Variants in SNTB1 observed in about 807,000 individuals in gnomAD.
The protein encoded by SNTB1 is syntrophin beta 1.
Under a neutral mutation model 48.9 loss-of-function variants are expected in SNTB1, and 36 were observed. That is an observed-to-expected ratio of 0.74 (90% confidence interval 0.56 to 0.97). The LOEUF is 0.97. SNTB1 is among the 50% of genes least tolerant of loss of function. The pLI, the probability that SNTB1 is intolerant of heterozygous loss-of-function variation, is 0.00. For missense variants in SNTB1, 786 were observed against 703.4 expected (o/e 1.12, Z -1.33); for synonymous variants, 299 against 294.6 (o/e 1.01, Z -0.15).
chr8:120,734,026 G>A (rs915476074), intron 1 of SNTB1, among the ~76,000 whole-genome samples: 4 of 152,150 alleles, frequency 2.6e-5, no homozygotes, highest in Non-Finnish European at 4.4e-5. Flanking sequence ...CAAATGTAAA[G>A]AACTTAACGC....
At chr8:120,541,056 G>A (rs190487610) in intron 6 of SNTB1, 1 of 152,284 alleles carries the variant, frequency 6.6e-6, no homozygotes, top group East Asian at 1.9e-4. Flanking sequence ...GAGATGCTAT[G>A]TTTTCCTGAA....
intron 2 of SNTB1, among the ~76,000 whole-genome samples, chr8:120,636,463 A>G (rs1817080021): frequency 7.8e-6 from 1 of 127,952 alleles, no homozygotes; most frequent in Non-Finnish European, 1.6e-5. Flanking sequence ...TCATTGTTCA[A>G]TTCCCACCTA....
rs111275611 is a variant in SNTB1, at chr8:120,767,791, C to T, written c.571+43482G>A. On this transcript the variant is annotated intron_variant, in intron 1 of 6. Transcript: ENST00000517992. ...TTCGATAGTAGTCTTTTATTATGCT[C>T]GGTTGTTTCTTCAGCACAGTGGCAT... 8.3e-4 allele frequency among the ~76,000 whole-genome samples: 126 copies of T among 152,254 alleles called. No individual in the cohort carries two copies. The East Asian group carries it at 0.019, about 23-fold the overall frequency.
At chr8:120,635,863 T>C in intron 2 of SNTB1, 1 of 357,028 alleles carries the variant, frequency 2.8e-6, no homozygotes, top group Non-Finnish European at 5.5e-6. Context: ...AAAATAGTTG[T>C]AGTCAAGCTG....
intron 4 of SNTB1, among the ~76,000 whole-genome samples, chr8:120,565,943 T>C (rs1157107126): frequency 2.6e-5 from 4 of 152,116 alleles, no homozygotes; most frequent in Non-Finnish European, 5.9e-5. Context: ...GTGTGGTGGC[T>C]CACGCCTGTA....
intron 1 of SNTB1, among the ~76,000 whole-genome samples, chr8:120,707,482 G>T (rs1818396734): frequency 6.6e-6 from 1 of 152,146 alleles, no homozygotes; most frequent in African/African-American, 2.4e-5. Context: ...ATCAGAGTCA[G>T]AAGAATAAAA....
At chr8:120,577,595 G>C (rs1286273924) in intron 3 of SNTB1, among the ~76,000 whole-genome samples, 1 of 152,170 alleles carries the variant, frequency 6.6e-6, no homozygotes, top group Non-Finnish European at 1.5e-5. Context: ...AGCTACAAAT[G>C]ATCCTCCCAA....
intron 2 of SNTB1, chr8:120,654,765 C>T (rs1817470926): frequency 1.8e-5 from 5 of 275,756 alleles, no homozygotes; most frequent in South Asian, 1.3e-4. Context: ...TCCCAGCATC[C>T]TCTACTTCCT....
intron 1 of SNTB1, among the ~76,000 whole-genome samples, chr8:120,753,342 A>G (rs1563590425): frequency 6.6e-6 from 1 of 152,100 alleles, no homozygotes; most frequent in Non-Finnish European, 1.5e-5. Flanking sequence ...TTCTTCCTTT[A>G]TGCTGTCTTT....
At chr8:120,620,077 A>AGT (rs142090231) in intron 3 of SNTB1, among the ~76,000 whole-genome samples, 7 of 152,012 alleles carry the variant, frequency 4.6e-5, no homozygotes, top group Admixed American at 6.5e-5. Context: ...AATAGAAGAA[A>AGT]GTGTGTGTGT....
At chr8:120,656,991 C>T (rs1167696257) in intron 2 of SNTB1, among the ~76,000 whole-genome samples, 1 of 152,100 alleles carries the variant, frequency 6.6e-6, no homozygotes, top group African/African-American at 2.4e-5. Context: ...AAATTAATGA[C>T]AGTGCTATTT....
chr8:120,631,665 G>A (rs1816982827), intron 3 of SNTB1, among the ~76,000 whole-genome samples: 3 of 152,108 alleles, frequency 2.0e-5, no homozygotes, highest in South Asian at 2.1e-4. Context: ...GCAAAGGCTC[G>A]ATCCTTTGAA....
chr8:120,738,545 TTTCC>T (rs201478933), intron 1 of SNTB1, among the ~76,000 whole-genome samples: 2,744 of 135,802 alleles, frequency 0.02, 61 homozygotes, highest in Admixed American at 0.05. Context: ...TCCTTCCTTC[TTTCC>T]TTCCTTCCTT....
intron 2 of SNTB1, chr8:120,637,744 G>T: frequency 2.4e-6 from 1 of 422,874 alleles, no homozygotes; most frequent in Non-Finnish European, 4.6e-6. Context: ...ACAGTTCACA[G>T]CATAAGATAA....
chr8:120,786,943 G>C (rs185609058), intron 1 of SNTB1, among the ~76,000 whole-genome samples: 4 of 152,236 alleles, frequency 2.6e-5, no homozygotes, highest in African/African-American at 9.6e-5. Context: ...GAAAGTACTA[G>C]GGAAAAAACG....
intron 1 of SNTB1, among the ~76,000 whole-genome samples, chr8:120,761,814 G>A (rs1819425720): frequency 6.6e-6 from 1 of 152,172 alleles, no homozygotes; most frequent in Non-Finnish European, 1.5e-5. Flanking sequence ...AATAGATATA[G>A]GATACTTGAT....
chr8:120,608,978 A>G (rs936244668), intron 3 of SNTB1, among the ~76,000 whole-genome samples: 12 of 152,194 alleles, frequency 7.9e-5, no homozygotes, highest in African/African-American at 2.9e-4. Flanking sequence ...ACACTGAACA[A>G]AATAACATGT....
At chr8:120,620,589 G>C (rs1483295027) in intron 3 of SNTB1, among the ~76,000 whole-genome samples, 1 of 151,968 alleles carries the variant, frequency 6.6e-6, no homozygotes, top group Non-Finnish European at 1.5e-5. Flanking sequence ...TAGCCAAAAT[G>C]GTTGATGTTT....
At chr8:120,771,856 TTTATTTA>T (rs1434765970) in intron 1 of SNTB1, among the ~76,000 whole-genome samples, 19 of 152,028 alleles carry the variant, frequency 1.2e-4, no homozygotes, top group Non-Finnish European at 4.4e-5. Flanking sequence ...TTTTATTTTA[TTTATTTA>T]TTATTTATGT....
Sources: gnomAD v4.1 joint callset for allele counts (sites outside exome capture counted in the v4.1 genomes callset) on GRCh38, gnomAD v4.1.1 for gene constraint, MANE v1.5 for transcripts, NCBI Gene and HGNC (gene_info 2026-07-23, HGNC 2026-07-21) for gene names.